Variants in IFT122 observed in about 807,000 individuals in gnomAD.
IFT122 encodes intraflagellar transport 122, also known as intraflagellar transport protein 122 homolog.
A neutral mutation model predicts 161.6 loss-of-function variants in IFT122; 118 were observed. That is an observed-to-expected ratio of 0.73 (90% CI 0.63 to 0.85). The LOEUF is 0.85. Among genes scored for constraint, IFT122 ranks in the 40% least tolerant of loss-of-function variants. The pLI is 0.00. For missense variants in IFT122, 1,381 were observed against 1,579.6 expected, an observed-to-expected ratio of 0.87 and a Z score of 2.13; for synonymous variants, 550 against 602.4, an observed-to-expected ratio of 0.91 and a Z score of 1.27.
intron 1 of IFT122, among the ~76,000 whole-genome samples, chr3:129,443,009 A>G (rs886170268): frequency 2.6e-5 from 4 of 152,148 alleles, no homozygotes; most frequent in Admixed American, 6.5e-5. Flanking sequence ...AGCCCACTGT[A>G]TTCCAATCAG....
chr3:129,478,633 G>C (rs1296863243), intron 12 of IFT122, among the ~76,000 whole-genome samples: 1 of 151,970 alleles, frequency 6.6e-6, no homozygotes, highest in African/African-American at 2.4e-5. Flanking sequence ...TAGTAGAGAC[G>C]CGAGGCTGTA....
At chr3:129,451,352 GT>G (rs764405590) in intron 2 of IFT122, among the ~76,000 whole-genome samples, 10 of 152,076 alleles carry the variant, frequency 6.6e-5, no homozygotes, top group Non-Finnish European at 1.2e-4. Flanking sequence ...TGAACTCCTG[GT>G]TTCAAGCAAT....
At chr3:129,463,368 T>C in intron 5 of IFT122, 192 bp from the exon 6 acceptor site, 1 of 562,054 alleles carries the variant, frequency 1.8e-6, no homozygotes, top group Non-Finnish European at 3.2e-6. Context: ...TCCATTTCTA[T>C]AATTTTGTCA....
At chr3:129,482,472 T>C (rs1318243624) in intron 14 of IFT122, among the ~76,000 whole-genome samples, 2 of 152,142 alleles carry the variant, frequency 1.3e-5, no homozygotes, top group Admixed American at 6.5e-5. Context: ...GGTTTCCTGA[T>C]GTTATGGGCA....
At chr3:129,511,095 C>T (rs2082767649) in intron 23 of IFT122, among the ~76,000 whole-genome samples, 1 of 152,116 alleles carries the variant, frequency 6.6e-6, no homozygotes, top group Non-Finnish European at 1.5e-5. Context: ...CATCCAGGGC[C>T]CAGCAGAGCA....
intron 3 of IFT122, among the ~76,000 whole-genome samples, chr3:129,454,896 G>C (rs2075291479): frequency 6.6e-6 from 1 of 152,064 alleles, no homozygotes; most frequent in South Asian, 2.1e-4. Flanking sequence ...GGCAGCAAGG[G>C]GACTCTTATC....
rs1481080925 is a variant in IFT122 at position 129,490,563 on chromosome 3, C to T, written c.1993-1578C>T. On this transcript the variant is annotated intron_variant, in intron 16 of 29. Coordinates refer to ENST00000348417, the MANE Select transcript of IFT122 (RefSeq NM_052989.3). ...TTTATTAATGGGCAAATCCTAGACA[C>T]TAGCACAGCTGAGCTACAGCTAGAA... Among the ~76,000 whole-genome samples, 8 of 152,374 alleles carry T rather than the reference C, an allele frequency of 5.3e-5. No individual in the cohort carries two copies. The East Asian group carries it at 1.3e-3, about 26-fold the overall frequency.
rs1305792630 is a variant in IFT122, at chr3:129,512,415, A to G, written c.2987+3A>G. 1.3e-6 allele frequency: 2 copies of G among 1,589,470 alleles called. No homozygotes were observed. Among genetic ancestry groups the G allele is most frequent in the Admixed American group, 1.7e-5 (1 of 59,976 alleles). On this transcript the variant is annotated splice_donor_region_variant and intron_variant, in intron 24 of 29. Coordinates refer to ENST00000348417, the MANE Select transcript of IFT122 (RefSeq NM_052989.3). ...ACCCCCTCGGGCATCTCTAAAGTGT[A>G]TCCTTTCTCTTATCCCTCCTCCGTC... is the stretch of plus-strand genomic sequence containing the variant.
chr3:129,516,551 C>CACACACAGAG (rs1330486945), intron 26 of IFT122, among the ~76,000 whole-genome samples: 1 of 120,916 alleles, frequency 8.3e-6, no homozygotes, highest in Non-Finnish European at 1.8e-5. Context: ...TGCACACACA[C>CACACACAGAG]AGATTGCTCC....
rs1217257775 is a variant in IFT122 at position 129,483,492 on chromosome 3, A to G, written c.1661A>G (p.Asn554Ser). The G allele has an allele frequency of 6.2e-7, 1 of 1,613,882 alleles. No homozygotes were observed. Among genetic ancestry groups the G allele is most frequent in the Admixed American group, 1.7e-5 (1 of 59,966 alleles). Residue 554 changes from asparagine to serine, a missense_variant, in exon 15 of 30, where the codon AAC (asparagine) becomes AGC (serine). This residue lies in a region of IFT122 where 544 missense variants were observed against 648.0 expected (regional missense o/e 0.84). Coordinates refer to ENST00000348417, the MANE Select transcript of IFT122 (RefSeq NM_052989.3). ...ACTGTCCCTGTTCCCCAGGAACCAAACGCCAACAGTGTAGCTTGGAACACC... is the reference window on the plus strand; with the variant it reads ...ACTGTCCCTGTTCCCCAGGAACCAAGCGCCAACAGTGTAGCTTGGAACACC... ...DTKELLFQEP[N>S]ANSVAWNTQC... is the part of the protein sequence containing the mutation.
intron 8 of IFT122, among the ~76,000 whole-genome samples, chr3:129,468,034 C>T (rs528096798): frequency 1.3e-5 from 2 of 152,374 alleles, no homozygotes; most frequent in African/African-American, 4.8e-5. Flanking sequence ...CCCAAGAGGG[C>T]TCACTGGTGG....
intron 4 of IFT122, 185 bp from the exon 5 acceptor site, chr3:129,461,043 T>C: frequency 1.9e-6 from 2 of 1,049,382 alleles, no homozygotes; most frequent in Non-Finnish European, 3.0e-6. Flanking sequence ...AAACAGTGGG[T>C]GAGGAGAAGG....
chr3:129,502,749 G>A lies in IFT122; in HGVS notation c.2414G>A (p.Arg805His), dbSNP rs372519478. ...GCCCGCAAACTGGACAAGGCTGAGC[G>A]CGAGCCCCTGCTGCTGTGCGCTACC... ...DIARKLDKAE[R>H]EPLLLCATYL... Residue 805 changes from arginine to histidine, a missense_variant, in exon 20 of 30, where the codon CGC becomes CAC. This residue lies in a region of IFT122 where 496 missense variants were observed against 502.5 expected (regional missense o/e 0.99). Coordinates refer to ENST00000348417, the MANE Select transcript of IFT122 (RefSeq NM_052989.3). 4.2e-5 allele frequency: 67 copies of A among 1,611,052 alleles called. 1 individual carries two copies. In the South Asian group the frequency reaches 5.7e-4, roughly 14 times the overall value.
intron 22 of IFT122, among the ~76,000 whole-genome samples, chr3:129,507,405 G>A (rs2108588464): frequency 6.6e-6 from 1 of 152,344 alleles, no homozygotes; most frequent in African/African-American, 2.4e-5. Flanking sequence ...GGAGGGTGCA[G>A]TGAGAGATCT....
At position 129,505,026 on chromosome 3, in the gene IFT122, A is replaced by G. The variant is rs114324056; in HGVS notation, c.2650+605A>G. Among the ~76,000 whole-genome samples the G allele has an allele frequency of 2.9e-3, 445 of 152,328 alleles. 2 individuals are homozygous for G. Among genetic ancestry groups the G allele is most frequent in the African/African-American group, 0.01 (434 of 41,576 alleles). ...CACACAGCGTACAACAGCATCTGAA[A>G]TAGGAGTTAAAGCAAGTATAGAACT... On this transcript the variant is annotated intron_variant, in intron 21 of 29. Transcript: ENST00000348417.
intron 20 of IFT122, chr3:129,503,987 G>A (rs997364239): frequency 9.4e-5 from 34 of 363,226 alleles, no homozygotes; most frequent in East Asian, 9.1e-4. Context: ...GGTGTCGCCC[G>A]CAATTAAAAG....
At chr3:129,456,227 C>T in intron 3 of IFT122, 1 of 1,286,234 alleles carries the variant, frequency 7.8e-7, no homozygotes, top group Non-Finnish European at 1.0e-6. Context: ...TCACCATCAC[C>T]TGCTACCTAC....
chr3:129,464,499 G>A (rs561645828), intron 6 of IFT122, 136 bp from the exon 7 acceptor site: 5 of 991,652 alleles, frequency 5.0e-6, no homozygotes, highest in African/African-American at 3.2e-5. Flanking sequence ...TGTCAGGACC[G>A]GCAATAATGA....
At chr3:129,492,816 CTTTTTTTTTT>C (rs376279677) in intron 17 of IFT122, among the ~76,000 whole-genome samples, 2 of 125,716 alleles carry the variant, frequency 1.6e-5, no homozygotes, top group Non-Finnish European at 3.4e-5. Flanking sequence ...CTTTTTTTTT[CTTTTTTTTTT>C]TTTTTTTTCT....
Sources: gnomAD v4.1 joint callset for allele counts (sites outside exome capture counted in the v4.1 genomes callset) on GRCh38, gnomAD v4.1.1 for gene constraint, gnomAD v4.1.1 regional missense constraint, MANE v1.5 for transcripts, NCBI Gene and HGNC (gene_info 2026-07-23, HGNC 2026-07-21) for gene names.